Variants in MIOX observed in about 807,000 individuals in gnomAD.
The protein encoded by MIOX is myo-inositol oxygenase.
In MIOX, 51 loss-of-function variants were observed where a neutral mutation model predicts 42.7. The observed-to-expected ratio is 1.19, with a 90% CI of 0.95 to 1.51. The LOEUF (loss-of-function observed/expected upper bound fraction) is 1.51, where lower values mean the gene tolerates loss of function less well. MIOX is among the 40% of genes most tolerant of loss of function. The pLI, the probability that MIOX is intolerant of heterozygous loss-of-function variation, is 0.00. For missense variants in MIOX, 395 were observed against 381.3 expected, an observed-to-expected ratio of 1.04 and a Z score of -0.30; for synonymous variants, 168 against 154.4, an observed-to-expected ratio of 1.09 and a Z score of -0.65.
Position 50,489,606 on chromosome 22 carries a change from G to A in MIOX, c.711G>A (p.Gln237=), listed in dbSNP as rs778002809. Reference sequence around the variant, plus strand: ...GCGACTACCAGCAGCTGTGCAGCCAGCAGGACCTGGCCATGCTGCCCTGGG... The same window carrying A: ...GCGACTACCAGCAGCTGTGCAGCCAACAGGACCTGGCCATGCTGCCCTGGG... ...TGRDYQQLCS[Q]QDLAMLPWVR... Residue 237 remains glutamine (Q), a synonymous_variant, in exon 9 of 10, where the codon CAG becomes CAA. Transcript: ENST00000216075. The A allele has an allele frequency of 1.9e-6, 3 of 1,612,312 alleles. No individual in the cohort carries two copies. The highest frequency in any genetic ancestry group is 2.5e-6 in the Non-Finnish European group (3 of 1,179,816).
chr22:50,489,018 C>G, intron 5 of MIOX, 22 bp from the exon 6 acceptor site: 1 of 1,449,932 alleles, frequency 6.9e-7, no homozygotes. Flanking sequence ...CATGGCCTCC[C>G]GTCCCTCCTG....
At position 50,489,309 on chromosome 22, in the gene MIOX, C is replaced by CG. The variant is rs1556449981; in HGVS notation, c.586+17dup. On this transcript the variant is annotated intron_variant, in intron 7 of 9. Coordinates refer to ENST00000216075, the MANE Select transcript of MIOX (RefSeq NM_017584.6). ...GGGGCCATGATGGTGAGGCCAGAGG[C>CG]GGGCAGTGGGGCGGTGGGGGGCGGT... The CG allele has an allele frequency of 1.2e-5, 12 of 1,006,938 alleles. No individual in the cohort carries two copies. In the South Asian group the frequency reaches 2.0e-4, roughly 16 times the overall value. 62.4% of individuals were successfully genotyped at this position (1,006,938 alleles called of 1,614,324 possible).
At position 50,488,211 on chromosome 22, in the gene MIOX, A is replaced by G; in HGVS notation, c.341-64A>G. 3.7e-6 allele frequency: 6 copies of G among 1,608,002 alleles called. No individual in the cohort carries two copies. In the East Asian group the frequency reaches 8.9e-5, roughly 24 times the overall value. On this transcript the variant is annotated intron_variant, in intron 4 of 9. Coordinates refer to ENST00000216075, the MANE Select transcript of MIOX (RefSeq NM_017584.6). The stretch of plus-strand genomic sequence containing the variant: ...ACCCTTCCTGGCTCTCAGCCCCGCA[A>G]ACCTGCTCATCCTCTGCCTTGGCCC...
At chr22:50,488,788 GTCCCTCCTGTCCCT>G (rs2068314087) in intron 5 of MIOX, among the ~76,000 whole-genome samples, 3 of 36,582 alleles carry the variant, frequency 8.2e-5, no homozygotes, top group Non-Finnish European at 1.4e-4. Flanking sequence ...CATCCCTCCC[GTCCCTCCTGTCCCT>G]CCCGTCCCTC....
chr22:50,488,873 ATGGCCGCCCG>A, intron 5 of MIOX, among the ~76,000 whole-genome samples, 157 bp from the exon 6 acceptor site: 1 of 44,180 alleles, frequency 2.3e-5, no homozygotes, highest in Non-Finnish European at 4.6e-5. Context: ...CACTCCCCCC[ATGGCCGCCCG>A]TCCCTCCTGT....
chr22:50,488,904 TG>T (rs2068317733), intron 5 of MIOX, 135 bp from the exon 6 acceptor site: 1 of 582,882 alleles, frequency 1.7e-6, no homozygotes, highest in African/African-American at 2.3e-5. Flanking sequence ...CCCTCTGCAG[TG>T]GGCAGTCATC....
In MIOX at chr22:50,489,042, G is replaced by A. The variant is rs142136302; in HGVS notation, c.411G>A (p.Trp137Ter). 172 of 1,489,118 alleles carry A rather than the reference G, an allele frequency of 1.2e-4. No individual in the cohort carries two copies. The highest frequency in any genetic ancestry group is 7.5e-5 in the Admixed American group (4 of 53,430). The allele number at this position is 1,489,118 out of a possible 1,614,324, so 92.2% of individuals were successfully genotyped here. ...CCGTCCCTCCTGTCCCTCTGCAGTGGGCTGTCGTCGGCGACACCTTCCCCG... is the reference window on the plus strand; with the variant it reads ...CCGTCCCTCCTGTCCCTCTGCAGTGAGCTGTCGTCGGCGACACCTTCCCCG... The part of the protein sequence containing the change: ...KVLALFGEPQ[W>*]AVVGDTFPVG... Residue 137 changes from tryptophan (W) to a stop codon, truncating the protein, a stop_gained and splice_region_variant, in exon 6 of 10, where the codon TGG becomes TGA. Transcript: ENST00000216075. LOFTEE classifies it high-confidence loss of function.
In MIOX at chr22:50,490,341, G is replaced by A. The variant is rs570138865; in HGVS notation, c.*485G>A. ...AACAACAAAAAACAAATGCAGGCTG[G>A]GCACAGCGGCTCACACCTATAATCC... On this transcript the variant is annotated 3_prime_UTR_variant, in exon 10 of 10. Coordinates refer to ENST00000216075, the MANE Select transcript of MIOX (RefSeq NM_017584.6). The A allele has an allele frequency of 5.6e-6, 1 of 179,336 alleles. No individual in the cohort carries two copies. Among genetic ancestry groups the A allele is most frequent in the Non-Finnish European group, 1.2e-5 (1 of 82,864 alleles). The allele number at this position is 179,336 out of a possible 1,614,324, so 11.1% of individuals were successfully genotyped here.
rs763342121 is a variant in MIOX at position 50,486,885 on chromosome 22, G to A, written c.-13G>A. ...GCCTGTGCTTTGCCACCTGAGCGCCGCTCCCTCTCAGGATGAAGGTGACGG... is the reference window on the plus strand; with the variant it reads ...GCCTGTGCTTTGCCACCTGAGCGCCACTCCCTCTCAGGATGAAGGTGACGG... On this transcript the variant is annotated 5_prime_UTR_variant, in exon 1 of 10. Coordinates refer to ENST00000216075, the MANE Select transcript of MIOX (RefSeq NM_017584.6). 8.1e-6 allele frequency: 13 copies of A among 1,613,868 alleles called. No individual in the cohort carries two copies. Among genetic ancestry groups the A allele is most frequent in the East Asian group, 4.5e-5 (2 of 44,884 alleles).
rs759578352 is a variant in MIOX at position 50,490,542 on chromosome 22, C to T, written c.*686C>T. Reference sequence around the variant, plus strand: ...CTAAGGCAGGAGAATCGCTTGAACCCGGGAGACAGGGGTTGCCGTGAGTCA... The same window carrying T: ...CTAAGGCAGGAGAATCGCTTGAACCTGGGAGACAGGGGTTGCCGTGAGTCA... On this transcript the variant is annotated 3_prime_UTR_variant, in exon 10 of 10. Coordinates refer to ENST00000216075, the MANE Select transcript of MIOX (RefSeq NM_017584.6). 6.6e-6 allele frequency: 1 copy of T among 152,126 alleles called. No homozygotes were observed. The highest frequency in any genetic ancestry group is 2.4e-5 in the African/African-American group (1 of 41,386). 9.4% of individuals were successfully genotyped at this position (152,126 alleles called of 1,614,324 possible). A position where few individuals can be genotyped will look rare whatever the true frequency, so the allele number is the denominator to read the frequency against.
At position 50,489,873 on chromosome 22, in the gene MIOX, G is replaced by C. The variant is rs1400392678; in HGVS notation, c.*17G>C. On this transcript the variant is annotated 3_prime_UTR_variant, in exon 10 of 10. Coordinates refer to ENST00000216075, the MANE Select transcript of MIOX (RefSeq NM_017584.6). ...AGCTGGTGACCCTCCTGCCACCCAA[G>C]CTGCTGCTGGACCTAGGCCTGGCCC... The C allele has an allele frequency of 6.2e-7, 1 of 1,604,426 alleles. No homozygotes were observed. Among genetic ancestry groups the C allele is most frequent in the Admixed American group, 1.7e-5 (1 of 59,988 alleles).
intron 2 of MIOX, 67 bp from the exon 3 acceptor site, chr22:50,487,594 TG>T: frequency 6.4e-7 from 1 of 1,566,322 alleles, no homozygotes; most frequent in African/African-American, 1.3e-5. Flanking sequence ...TGGGGCTGCC[TG>T]GGAGAGGGGA....
chr22:50,488,431 T>A, intron 5 of MIOX, 89 bp downstream of exon 5: 1 of 1,128,132 alleles, frequency 8.9e-7, no homozygotes, highest in Non-Finnish European at 1.3e-6. Flanking sequence ...GGATACTACC[T>A]GGGGGACAGG....
chr22:50,487,241 C>A, intron 1 of MIOX, 144 bp from the exon 2 acceptor site: 1 of 712,330 alleles, frequency 1.4e-6, no homozygotes, highest in Non-Finnish European at 2.4e-6. Flanking sequence ...GGGATGATGG[C>A]GTGGGAGAGG....
rs1303549689 is a variant in MIOX, at chr22:50,488,365, G to C, written c.408+23G>C. On this transcript the variant is annotated intron_variant, in intron 5 of 9. Transcript: ENST00000216075. ...CAGGTAAGAGTTGGAAGTGGAGGGTGAGGAGGCTGCATGTTGAGGCAAGGT... is the reference window on the plus strand; with the variant it reads ...CAGGTAAGAGTTGGAAGTGGAGGGTCAGGAGGCTGCATGTTGAGGCAAGGT... 3 of 1,570,794 alleles carry C rather than the reference G, an allele frequency of 1.9e-6. No individual in the cohort carries two copies. In the Admixed American group the frequency reaches 5.4e-5, roughly 28 times the overall value.
Position 50,486,896 on chromosome 22 carries a change from G to A in MIOX, c.-2G>A. ...GCCACCTGAGCGCCGCTCCCTCTCA[G>A]GATGAAGGTGACGGTGGTGAGTACC... On this transcript the variant is annotated 5_prime_UTR_variant, in exon 1 of 10. Coordinates refer to ENST00000216075, the MANE Select transcript of MIOX (RefSeq NM_017584.6). 1.2e-6 allele frequency: 2 copies of A among 1,613,936 alleles called. No homozygotes were observed. The highest frequency in any genetic ancestry group is 1.7e-6 in the Non-Finnish European group (2 of 1,179,996).
chr22:50,487,838 G>C (rs1441878584), intron 3 of MIOX, 48 bp from the exon 4 acceptor site: 3 of 1,612,258 alleles, frequency 1.9e-6, no homozygotes, highest in Middle Eastern at 1.7e-4. Flanking sequence ...AGGCCTGTGT[G>C]GTGGGCCTGC....
rs748358902 is a variant in MIOX at position 50,487,730 on chromosome 22, C to T, written c.165C>T (p.Phe55=). The change falls in exon 3 of 10, where the codon TTC becomes TTT. Residue 55 remains phenylalanine (F), a synonymous_variant. Coordinates refer to ENST00000216075, the MANE Select transcript of MIOX (RefSeq NM_017584.6). Reference sequence around the variant, plus strand: ...TGCACACGCACCAGACAGTGGACTTCGTCAGGAGCAAGGTAGGCGTTTCCT... The same window carrying T: ...TGCACACGCACCAGACAGTGGACTTTGTCAGGAGCAAGGTAGGCGTTTCCT... ...KLMHTHQTVD[F]VRSKHAQFGG... is the part of the protein sequence containing the mutation. 2.4e-5 allele frequency: 39 copies of T among 1,613,762 alleles called. No homozygotes were observed. Among genetic ancestry groups the T allele is most frequent in the East Asian group, 4.5e-5 (2 of 44,896 alleles).
At chr22:50,487,604 G>A in intron 2 of MIOX, 58 bp from the exon 3 acceptor site, 1 of 1,574,090 alleles carries the variant, frequency 6.4e-7, no homozygotes, top group Non-Finnish European at 8.7e-7. Flanking sequence ...TGGGAGAGGG[G>A]AGGCATGGGG....
Sources: allele counts gnomAD v4.1 joint callset (sites outside exome capture counted in the v4.1 genomes callset), GRCh38; gene constraint gnomAD v4.1.1; transcripts MANE v1.5; gene names NCBI Gene and HGNC (gene_info 2026-07-23, HGNC 2026-07-21).